RAPGEF4: variants seen among roughly 807,000 people sequenced by gnomAD.
RAPGEF4 encodes Rap guanine nucleotide exchange factor 4.
RAPGEF4 carries 66 observed loss-of-function variants against 147.9 expected under a neutral mutation model. The ratio of observed to expected loss-of-function variants is 0.45; its 90% CI spans 0.37 to 0.55. The LOEUF (loss-of-function observed/expected upper bound fraction) is 0.55. Ranked by LOEUF, RAPGEF4 falls within the 20% of genes least tolerant of loss-of-function variation. The probability of loss-of-function intolerance (pLI) is 0.00; values close to 1 mark genes in which losing one functional copy is unlikely to be tolerated. For missense variants in RAPGEF4, 1,071 were observed against 1,257.3 expected, an observed-to-expected ratio of 0.85 and a Z score of 2.24; for synonymous variants, 419 against 442.7, an observed-to-expected ratio of 0.95 and a Z score of 0.67.
At chr2:172,986,085 AC>A (rs1408012666) in intron 12 of RAPGEF4, among the ~76,000 whole-genome samples, 1 of 152,246 alleles carries the variant, frequency 6.6e-6, no homozygotes, top group African/African-American at 2.4e-5. Context: ...ATAGATGTGA[AC>A]AATATTATAT....
intron 4 of RAPGEF4, among the ~76,000 whole-genome samples, chr2:172,875,156 C>T (rs1695750764): frequency 6.6e-6 from 1 of 152,124 alleles, no homozygotes; most frequent in Non-Finnish European, 1.5e-5. Flanking sequence ...AGCCCTTTGT[C>T]AGATGAGTAG....
chr2:173,017,307 A>G (rs1199533609), intron 20 of RAPGEF4, 103 bp downstream of exon 20: 1 of 1,488,866 alleles, frequency 6.7e-7, no homozygotes, highest in Non-Finnish European at 9.3e-7. Flanking sequence ...TTTTTTGTAG[A>G]CGTGAAATAT....
rs780677267 is a variant in RAPGEF4, at chr2:172,900,128, G to A, written c.445-17674G>A. Among the ~76,000 whole-genome samples, 6 of 152,222 alleles carry A rather than the reference G, an allele frequency of 3.9e-5. 1 individual carries two copies. The highest frequency in any genetic ancestry group is 8.8e-5 in the Non-Finnish European group (6 of 68,034). On this transcript the variant is annotated intron_variant, in intron 4 of 30. Coordinates refer to ENST00000397081, the MANE Select transcript of RAPGEF4 (RefSeq NM_007023.4). ...CAGAGGCAGAATGGAGGACAGCAGA[G>A]CCTGGAATTGAGTTGAGGAAGACAG...
At chr2:172,894,765 A>G (rs1032003726) in intron 4 of RAPGEF4, among the ~76,000 whole-genome samples, 58 of 152,252 alleles carry the variant, frequency 3.8e-4, no homozygotes, top group Admixed American at 1.0e-3. Flanking sequence ...AGAAACTCAA[A>G]GGAATGGTAT....
At chr2:172,773,086 T>A (rs1683791506) in intron 1 of RAPGEF4, among the ~76,000 whole-genome samples, 1 of 152,230 alleles carries the variant, frequency 6.6e-6, no homozygotes, top group Non-Finnish European at 1.5e-5. Context: ...TACATTTACA[T>A]TGGTTTTTAA....
At chr2:172,873,046 G>A (rs930241937) in intron 4 of RAPGEF4, among the ~76,000 whole-genome samples, 4 of 152,214 alleles carry the variant, frequency 2.6e-5, no homozygotes, top group African/African-American at 9.6e-5. Flanking sequence ...CAGCTTAGGA[G>A]AGGGAATCAG....
At chr2:172,970,734 G>A (rs911334380) in intron 10 of RAPGEF4, among the ~76,000 whole-genome samples, 1 of 152,030 alleles carries the variant, frequency 6.6e-6, no homozygotes, top group Non-Finnish European at 1.5e-5. Flanking sequence ...ATGAAAGAAT[G>A]TTCTGTAGTT....
Position 172,735,991 on chromosome 2 carries a change from C to T in RAPGEF4, c.8C>T (p.Ala3Val). The change falls in exon 1 of 31, where the codon GCT becomes GTT. Residue 3 changes from alanine (A) to valine (V), a missense_variant. Transcript: ENST00000397081. ...CGCGCGCCGCCGCTCAACATGGTCG[C>T]TGCGCACGCTGCCCATTCTTCCTCC... Reference protein sequence around the residue: MVAAHAAHSSSSA... With the variant: MVVAHAAHSSSSA... The T allele has an allele frequency of 6.8e-7, 1 of 1,476,546 alleles. No homozygotes were observed. Among genetic ancestry groups the T allele is most frequent in the Non-Finnish European group, 9.0e-7 (1 of 1,112,322 alleles). 91.5% of individuals were successfully genotyped at this position (1,476,546 alleles called of 1,614,324 possible). A position where few individuals can be genotyped will look rare whatever the true frequency, so the allele number is the denominator to read the frequency against.
At chr2:172,959,768 G>A (rs4972521) in intron 6 of RAPGEF4, among the ~76,000 whole-genome samples, 44,646 of 152,068 alleles carry the variant, frequency 0.29, 7,530 homozygotes, top group East Asian at 0.43. Context: ...ATTTTTCTGG[G>A]ATTACATTCA....
intron 1 of RAPGEF4, among the ~76,000 whole-genome samples, chr2:172,743,238 A>G (rs1214502303): frequency 6.6e-6 from 1 of 152,158 alleles, no homozygotes; most frequent in African/African-American, 2.4e-5. Context: ...GAGAAAGAGG[A>G]TGGAAAGAAC....
At chr2:172,787,223 A>G (rs1255874462) in intron 1 of RAPGEF4, among the ~76,000 whole-genome samples, 1 of 152,138 alleles carries the variant, frequency 6.6e-6, no homozygotes, top group East Asian at 1.9e-4. Flanking sequence ...AAAAATAAAA[A>G]TAAAAAAATT....
rs531970088 is a variant in RAPGEF4, at chr2:173,015,458, A to G, written c.1809+844A>G. On this transcript the variant is annotated intron_variant, in intron 18 of 30. Coordinates refer to ENST00000397081, the MANE Select transcript of RAPGEF4 (RefSeq NM_007023.4). Reference sequence around the variant, plus strand: ...AAATTATAAATTATCCAAAAGAAACATACACCGTCTCTCCTTTCTATTCAT... The same window carrying G: ...AAATTATAAATTATCCAAAAGAAACGTACACCGTCTCTCCTTTCTATTCAT... 3.3e-5 allele frequency among the ~76,000 whole-genome samples: 5 copies of G among 152,340 alleles called. No homozygotes were observed. In the South Asian group the frequency reaches 8.3e-4, roughly 25 times the overall value.
chr2:172,881,006 T>A, intron 4 of RAPGEF4, among the ~76,000 whole-genome samples: 1 of 152,226 alleles, frequency 6.6e-6, no homozygotes. Flanking sequence ...CTTTTAAAAA[T>A]GGCTTCTATT....
intron 1 of RAPGEF4, among the ~76,000 whole-genome samples, chr2:172,749,317 A>T (rs911280229): frequency 1.3e-5 from 2 of 152,218 alleles, no homozygotes; most frequent in African/African-American, 2.4e-5. Flanking sequence ...CTGGACATCC[A>T]GTTCCATACA....
At position 173,051,757 on chromosome 2, in the gene RAPGEF4, G is replaced by A. The variant is rs751352704; in HGVS notation, c.3026G>A (p.Arg1009His). Reference protein sequence around the residue: ...LSQMSHRLEPRRP With the variant: ...LSQMSHRLEPHRP ...CAGATGTCACACAGATTAGAGCCTC[G>A]TCGACCATAGACATTTCAAATGCCC... is the stretch of plus-strand genomic sequence containing the variant. The change falls in exon 31 of 31, where the codon CGT becomes CAT. Residue 1009 changes from arginine to histidine, a missense_variant. Physicochemically the swap from Arg to His is conservative, Grantham distance 29. Coordinates refer to ENST00000397081, the MANE Select transcript of RAPGEF4 (RefSeq NM_007023.4). 22 of 1,613,584 alleles carry A rather than the reference G, an allele frequency of 1.4e-5. No homozygotes were observed. In the East Asian group the frequency reaches 2.0e-4, roughly 15 times the overall value.
intron 1 of RAPGEF4, among the ~76,000 whole-genome samples, chr2:172,790,511 G>A (rs1297577404): frequency 6.6e-6 from 1 of 152,168 alleles, no homozygotes; most frequent in Non-Finnish European, 1.5e-5. Flanking sequence ...GGAGCCTAGA[G>A]CGAGCTATAA....
At chr2:172,985,150 G>A (rs1279404882) in intron 11 of RAPGEF4, among the ~76,000 whole-genome samples, 2 of 152,190 alleles carry the variant, frequency 1.3e-5, no homozygotes, top group Non-Finnish European at 2.9e-5. Flanking sequence ...GCAGGCAAGT[G>A]GGCTAGTTAA....
At chr2:172,996,003 G>A (rs1222957138) in intron 15 of RAPGEF4, among the ~76,000 whole-genome samples, 2 of 152,208 alleles carry the variant, frequency 1.3e-5, no homozygotes, top group Non-Finnish European at 2.9e-5. Flanking sequence ...GGGAAAGACA[G>A]AGCATTCCAG....
chr2:172,814,493 A>G (rs762674606), intron 4 of RAPGEF4, 68 bp downstream of exon 4: 2 of 1,514,792 alleles, frequency 1.3e-6, no homozygotes, highest in Non-Finnish European at 1.8e-6. Context: ...CACATGGATA[A>G]TGGCATTACA....
Sources: gnomAD v4.1 joint callset for allele counts (sites outside exome capture counted in the v4.1 genomes callset) on GRCh38, gnomAD v4.1.1 for gene constraint, MANE v1.5 for transcripts, NCBI Gene and HGNC (gene_info 2026-07-23, HGNC 2026-07-21) for gene names.